The following HINT3 variants were observed in gnomAD, a reference collection of about 807,000 sequenced individuals.
The protein encoded by HINT3 is adenosine 5'-monophosphoramidase HINT3.
Under a neutral mutation model 19.1 loss-of-function variants are expected in HINT3, and 16 were observed. That is an observed-to-expected ratio of 0.84 (90% CI 0.57 to 1.27). HINT3 has a LOEUF of 1.27. Ranked by LOEUF, HINT3 falls within the 50% of genes most tolerant of loss-of-function variation. The pLI, the probability that HINT3 is intolerant of heterozygous loss-of-function variation, is 0.00. For missense variants in HINT3, 197 were observed against 225.8 expected (o/e 0.87, Z 0.82); for synonymous variants, 75 against 84.8 (o/e 0.88, Z 0.63).
intron 1 of HINT3, among the ~76,000 whole-genome samples, chr6:125,957,583 C>A (rs752925064): frequency 6.6e-6 from 1 of 152,172 alleles, no homozygotes; most frequent in East Asian, 1.9e-4. Context: ...GATTTTAAAT[C>A]CTGCACACTC....
chr6:125,962,167 TATATATATATATATATATAC>T lies in HINT3; in HGVS notation c.202-4718_202-4699del, dbSNP rs1562211960. Among the ~76,000 whole-genome samples, 30 of 10,232 alleles carry T rather than the reference TATATATATATATATATATAC, an allele frequency of 2.9e-3. 1 individual carries two copies. In the African/African-American group the frequency reaches 0.041, roughly 14 times the overall value. 6.7% of individuals were successfully genotyped at this position (10,232 alleles called of 152,430 possible). A position where few individuals can be genotyped will look rare whatever the true frequency, so the allele number is the denominator to read the frequency against. On this transcript the variant is annotated intron_variant, in intron 1 of 4. Coordinates refer to ENST00000229633, the MANE Select transcript of HINT3 (RefSeq NM_138571.5). The stretch of plus-strand genomic sequence containing the variant: ...GGAAACCCATATATATATACACATA[TATATATATATATATATATAC>T]ACATATATATATATATATATATACA...
intron 1 of HINT3, 95 bp from the exon 2 acceptor site, chr6:125,966,792 C>A: frequency 1.3e-6 from 1 of 754,670 alleles, no homozygotes; most frequent in South Asian, 1.9e-5. Flanking sequence ...AGTATCATTT[C>A]CCTGTCAGAC....
chr6:125,961,548 A>G (rs962872249), intron 1 of HINT3, among the ~76,000 whole-genome samples: 2 of 152,194 alleles, frequency 1.3e-5, no homozygotes, highest in Non-Finnish European at 2.9e-5. Flanking sequence ...AAAGCTTGCT[A>G]GAGTGGCTTA....
At chr6:125,974,706 G>T in intron 3 of HINT3, 141 bp from the exon 4 acceptor site, 2 of 777,832 alleles carry the variant, frequency 2.6e-6, no homozygotes, top group East Asian at 2.6e-5. Flanking sequence ...AGTGCATAAA[G>T]AGAAACATTA....
At chr6:125,957,921 T>G (rs1322847330) in intron 1 of HINT3, among the ~76,000 whole-genome samples, 1 of 152,238 alleles carries the variant, frequency 6.6e-6, no homozygotes, top group Non-Finnish European at 1.5e-5. Context: ...AAAATAAATA[T>G]AATTCCTTCT....
Position 125,966,877 on chromosome 6 carries a change from T to TCACTAAAAA in HINT3, c.202-10_202-9insCACTAAAAA. 6.4e-7 allele frequency: 1 copy of TCACTAAAAA among 1,559,776 alleles called. No homozygotes were observed. Among genetic ancestry groups the TCACTAAAAA allele is most frequent in the South Asian group, 1.1e-5 (1 of 88,128 alleles). ...TTTAAAAATTCACTAACAAATGTTTTTTCCTTTAGAATGAGGACCTAATTT... is the reference window on the plus strand; with the variant it reads ...TTTAAAAATTCACTAACAAATGTTTTCACTAAAAATTCCTTTAGAATGAGGACCTAATTT... On this transcript the variant is annotated splice_polypyrimidine_tract_variant and intron_variant, in intron 1 of 4. Transcript: ENST00000229633.
In HINT3 at chr6:125,977,760, A is replaced by T. The variant is rs1447531591; in HGVS notation, c.*84A>T. 12 of 756,164 alleles carry T rather than the reference A, an allele frequency of 1.6e-5. No homozygotes were observed. Among genetic ancestry groups the T allele is most frequent in the Non-Finnish European group, 2.3e-5 (11 of 475,162 alleles). The allele number at this position is 756,164 out of a possible 1,614,324, so 46.8% of individuals were successfully genotyped here. On this transcript the variant is annotated 3_prime_UTR_variant, in exon 5 of 5. Coordinates refer to ENST00000229633, the MANE Select transcript of HINT3 (RefSeq NM_138571.5). ...CCCTTTTAAGTCTAATTGCAATTTT[A>T]AGATTTGTTGGGTTTTATGAGAGGC...
intron 1 of HINT3, among the ~76,000 whole-genome samples, chr6:125,966,269 G>T (rs1184943361): frequency 6.6e-6 from 1 of 152,126 alleles, no homozygotes; most frequent in African/African-American, 2.4e-5. Flanking sequence ...ATGTAAACCA[G>T]AAAACTGATG....
chr6:125,958,397 G>A (rs1412583614), intron 1 of HINT3, among the ~76,000 whole-genome samples: 2 of 152,196 alleles, frequency 1.3e-5, no homozygotes, highest in African/African-American at 4.8e-5. Context: ...AATGTTTAAT[G>A]GTGGGTTGGG....
At chr6:125,960,672 A>ATGGG (rs1395716444) in intron 1 of HINT3, among the ~76,000 whole-genome samples, 6 of 83,434 alleles carry the variant, frequency 7.2e-5, no homozygotes, top group African/African-American at 1.9e-4. Context: ...GGGGAAAAAA[A>ATGGG]AAGAAGTTAG....
chr6:125,956,794 C>T lies in HINT3; in HGVS notation c.-184C>T, dbSNP rs961716288. 2 of 677,268 alleles carry T rather than the reference C, an allele frequency of 3.0e-6. No individual in the cohort carries two copies. The highest frequency in any genetic ancestry group is 4.9e-6 in the Non-Finnish European group (2 of 409,614). The allele number at this position is 677,268 out of a possible 1,614,324, so 42.0% of individuals were successfully genotyped here. On this transcript the variant is annotated 5_prime_UTR_variant, in exon 1 of 5. Transcript: ENST00000229633. ...CCTCTAGTGGCAGCCGGTTTTGAGG[C>T]CGGCCTCCGGCTTTGAAGTTCCTCA...
chr6:125,956,973 G>A lies in HINT3; in HGVS notation c.-5G>A. ...CGAGGCTCTAGGCCGCGAGGGGCGG[G>A]TGCAATGGCGGAGGAACAGGTGAAC... On this transcript the variant is annotated 5_prime_UTR_variant, in exon 1 of 5. It adds an upstream start codon to the 5' untranslated region. Coordinates refer to ENST00000229633, the MANE Select transcript of HINT3 (RefSeq NM_138571.5). 6 of 1,549,672 alleles carry A rather than the reference G, an allele frequency of 3.9e-6. No homozygotes were observed. Among genetic ancestry groups the A allele is most frequent in the Non-Finnish European group, 5.2e-6 (6 of 1,146,572 alleles).
At chr6:125,967,762 C>A (rs1327190909) in intron 2 of HINT3, among the ~76,000 whole-genome samples, 1 of 152,076 alleles carries the variant, frequency 6.6e-6, no homozygotes, top group Non-Finnish European at 1.5e-5. Context: ...CATGTTGGTA[C>A]CTGCCTTATA....
chr6:125,963,571 T>G (rs1788975315), intron 1 of HINT3, among the ~76,000 whole-genome samples: 3 of 152,220 alleles, frequency 2.0e-5, no homozygotes. Flanking sequence ...GAAGTCAGGA[T>G]AGGCTAGCTC....
In HINT3 at chr6:125,974,888, T is replaced by C; in HGVS notation, c.431T>C (p.Leu144Ser). ...CCACCATTCTGTTCCATTTCCCACTTGCACCTTCATGTTCTGGCACCAGTG... is the reference window on the plus strand; with the variant it reads ...CCACCATTCTGTTCCATTTCCCACTCGCACCTTCATGTTCTGGCACCAGTG... ...HMPPFCSISH[L>S]HLHVLAPVDQ... is the part of the protein sequence containing the mutation. Residue 144 changes from leucine (L) to serine (S), a missense_variant, in exon 4 of 5, where the codon TTG becomes TCG. By Grantham distance (145) the Leu-to-Ser change is moderately radical. Transcript: ENST00000229633. 1.2e-6 allele frequency: 2 copies of C among 1,614,064 alleles called. No individual in the cohort carries two copies. Among genetic ancestry groups the C allele is most frequent in the Middle Eastern group, 1.6e-4 (1 of 6,062 alleles).
At chr6:125,971,865 A>T (rs56923003) in intron 2 of HINT3, among the ~76,000 whole-genome samples, 1 of 151,614 alleles carries the variant, frequency 6.6e-6, no homozygotes, top group East Asian at 1.9e-4. Context: ...GTGCACCACC[A>T]CGCCCGGCTA....
chr6:125,972,320 G>A lies in HINT3; in HGVS notation c.381G>A (p.Thr127=), dbSNP rs553463639. The stretch of plus-strand genomic sequence containing the variant: ...AAAGAAATAATTTCACTGACTTCAC[G>A]AATGTGAGGTGTGTATACTTCCAGA... ...ILERNNFTDF[T]NVRMGFHMPP... Residue 127 remains threonine (T), a synonymous_variant, in exon 3 of 5, where the codon ACG becomes ACA. Transcript: ENST00000229633. 12 of 1,561,794 alleles carry A rather than the reference G, an allele frequency of 7.7e-6. No individual in the cohort carries two copies. Among genetic ancestry groups the A allele is most frequent in the Admixed American group, 4.0e-5 (2 of 50,490 alleles).
At chr6:125,969,058 C>G (rs146906871) in intron 2 of HINT3, among the ~76,000 whole-genome samples, 1 of 152,024 alleles carries the variant, frequency 6.6e-6, no homozygotes, top group African/African-American at 2.4e-5. Flanking sequence ...CTCTTGAGGA[C>G]TTAGTCATAA....
intron 1 of HINT3, among the ~76,000 whole-genome samples, chr6:125,957,908 T>A (rs545274987): frequency 2.6e-5 from 4 of 152,348 alleles, no homozygotes; most frequent in Admixed American, 1.3e-4. Context: ...CTTTATTTTT[T>A]AAAAAATAAA....
Sources: allele counts gnomAD v4.1 joint callset (sites outside exome capture counted in the v4.1 genomes callset), GRCh38; gene constraint gnomAD v4.1.1; transcripts MANE v1.5; gene names NCBI Gene and HGNC (gene_info 2026-07-23, HGNC 2026-07-21).